Variants in KIF13A observed in about 807,000 individuals in gnomAD.
The protein encoded by KIF13A is kinesin family member 13A.
A neutral mutation model predicts 212.2 loss-of-function variants in KIF13A; 79 were observed. That is an observed-to-expected ratio of 0.37 (90% CI 0.31 to 0.45). KIF13A has a LOEUF of 0.45. KIF13A is among the 20% of genes least tolerant of loss of function. The pLI is 1.00. For missense variants in KIF13A, 1,901 were observed against 2,209.0 expected (o/e 0.86, Z 2.79); for synonymous variants, 789 against 808.6 (o/e 0.98, Z 0.41).
At chr6:17,941,308 T>C (rs1776940439) in intron 2 of KIF13A, among the ~76,000 whole-genome samples, 1 of 152,166 alleles carries the variant, frequency 6.6e-6, no homozygotes, top group African/African-American at 2.4e-5. Context: ...TCAAGGTTTT[T>C]CAAATCTCAA....
At position 17,837,661 on chromosome 6, in the gene KIF13A, T is replaced by G; in HGVS notation, c.831-78A>C. 9.9e-7 allele frequency: 1 copy of G among 1,011,178 alleles called. No individual in the cohort carries two copies. The highest frequency in any genetic ancestry group is 1.5e-6 in the Non-Finnish European group (1 of 665,612). The allele number at this position is 1,011,178 out of a possible 1,614,324, so 62.6% of individuals were successfully genotyped here. A position where few individuals can be genotyped will look rare whatever the true frequency, so the allele number is the denominator to read the frequency against. The stretch of plus-strand genomic sequence containing the variant: ...TATAAAATATGCAGAACAATAAAGC[T>G]CCACAGTTAATACACGTTGGTGGCT... On this transcript the variant is annotated intron_variant, in intron 9 of 38. Transcript: ENST00000259711. This position sits in a 1 kb window ranked among gnomAD's most constrained non-coding sequence, Gnocchi z 5.4.
intron 2 of KIF13A, among the ~76,000 whole-genome samples, chr6:17,905,634 G>A (rs942926285): frequency 6.6e-6 from 1 of 152,198 alleles, no homozygotes; most frequent in African/African-American, 2.4e-5. Flanking sequence ...GGGCAAAGAG[G>A]GAATTTTGTT....
intron 2 of KIF13A, among the ~76,000 whole-genome samples, chr6:17,905,490 C>T (rs1773416273): frequency 6.6e-6 from 1 of 152,212 alleles, no homozygotes; most frequent in South Asian, 2.1e-4. Flanking sequence ...TTCACATGCA[C>T]TGTCTGCCAC....
Position 17,804,436 on chromosome 6 carries a change from C to A in KIF13A, c.2379G>T (p.Ala793=). 6.3e-7 allele frequency: 1 copy of A among 1,575,948 alleles called. No homozygotes were observed. The highest frequency in any genetic ancestry group is 8.6e-7 in the Non-Finnish European group (1 of 1,159,874). The change falls in exon 20 of 39, where the codon GCG becomes GCT. Residue 793 remains alanine, a synonymous_variant. Coordinates refer to ENST00000259711, the MANE Select transcript of KIF13A (RefSeq NM_022113.6). The part of the protein sequence containing the change: ...AQENHNLIGV[A]NVFLECLFCD... ...AGAAGAGGCATTCCAAGAATACATTCGCCACCCCGATGAGGTTGTGATTTT... is the reference window on the plus strand; with the variant it reads ...AGAAGAGGCATTCCAAGAATACATTAGCCACCCCGATGAGGTTGTGATTTT...
In KIF13A at chr6:17,847,710, T is replaced by A. The variant is rs142511227; in HGVS notation, c.830+1667A>T. 3.8e-3 allele frequency among the ~76,000 whole-genome samples: 580 copies of A among 152,300 alleles called. 7 individuals carry two copies. Among genetic ancestry groups the A allele is most frequent in the African/African-American group, 0.013 (533 of 41,558 alleles). On this transcript the variant is annotated intron_variant, in intron 9 of 38. Coordinates refer to ENST00000259711, the MANE Select transcript of KIF13A (RefSeq NM_022113.6). ...TATCCTGATTATAAAAAACAACAGC[T>A]ATAACAGTTAATTTTTATTCACTGC...
At chr6:17,807,066 A>G (rs186793020) in intron 18 of KIF13A, among the ~76,000 whole-genome samples, 3 of 152,328 alleles carry the variant, frequency 2.0e-5, no homozygotes, top group Admixed American at 1.3e-4. Context: ...CTGAAGATGT[A>G]CGTCATCTCA....
chr6:17,938,861 T>A (rs76076056), intron 2 of KIF13A, among the ~76,000 whole-genome samples: 3,137 of 151,892 alleles, frequency 0.021, 36 homozygotes, highest in Non-Finnish European at 0.031. Flanking sequence ...AAAAGTTGTG[T>A]TGTTATATAA....
At chr6:17,815,718 T>C (rs6908800) in intron 17 of KIF13A, 61,449 of 303,938 alleles carry the variant, frequency 0.2, 6,895 homozygotes, top group Admixed American at 0.32. Context: ...TATATAATCA[T>C]ATCTATAATC....
downstream of KIF13A, chr6:17,760,578 A>C: frequency 2.6e-6 from 1 of 378,142 alleles, no homozygotes; most frequent in Non-Finnish European, 4.7e-6. Context: ...TAGTAAGTGC[A>C]AAAAAAAATA....
At chr6:17,817,902 A>C (rs1029984330) in intron 16 of KIF13A, among the ~76,000 whole-genome samples, 5 of 152,220 alleles carry the variant, frequency 3.3e-5, no homozygotes, top group African/African-American at 1.2e-4. Context: ...ACATGGGTGA[A>C]AAGGTATAGA....
chr6:17,845,826 T>C (rs1195907293), intron 9 of KIF13A, among the ~76,000 whole-genome samples: 1 of 152,180 alleles, frequency 6.6e-6, no homozygotes, highest in African/African-American at 2.4e-5. Context: ...AATTCTTTAA[T>C]GAAAGGAGTA....
chr6:17,835,438 C>T (rs934024832), intron 11 of KIF13A, among the ~76,000 whole-genome samples: 5 of 152,082 alleles, frequency 3.3e-5, no homozygotes, highest in Non-Finnish European at 1.5e-5. Flanking sequence ...CAAGGTTTAT[C>T]AGCATTTTTA....
chr6:17,827,102 T>G (rs2150366927), intron 14 of KIF13A, among the ~76,000 whole-genome samples: 1 of 152,052 alleles, frequency 6.6e-6, no homozygotes, highest in East Asian at 1.9e-4. Context: ...AAATAATTTT[T>G]TTTCTTTTTG....
chr6:17,772,383 C>T lies in KIF13A; in HGVS notation c.4325-324G>A, dbSNP rs546704055. ...ATAATGGTGCCACTGCACTCCAGCC[C>T]GGGCAAGAGAGAGAGAGGGAGACCC... On this transcript the variant is annotated intron_variant, in intron 36 of 38. Coordinates refer to ENST00000259711, the MANE Select transcript of KIF13A (RefSeq NM_022113.6). This position sits in a 1 kb window ranked among gnomAD's most constrained non-coding sequence, Gnocchi z 4.8. 4.0e-4 allele frequency among the ~76,000 whole-genome samples: 60 copies of T among 151,880 alleles called. No homozygotes were observed. Among genetic ancestry groups the T allele is most frequent in the Non-Finnish European group, 6.8e-4 (46 of 67,944 alleles).
In KIF13A at chr6:17,829,144, A is replaced by C. The variant is rs1581444435; in HGVS notation, c.1402-774T>G. On this transcript the variant is annotated intron_variant, in intron 13 of 38. Transcript: ENST00000259711. This position sits in a 1 kb window ranked among gnomAD's most constrained non-coding sequence, Gnocchi z 5.4. ...TATTTTTAGTACAGATGGGGGTTTC[A>C]CCATGTTCGCCAGCCTGGTCTTGAA... 6.6e-6 allele frequency among the ~76,000 whole-genome samples: 1 copy of C among 152,112 alleles called. No homozygotes were observed. The highest frequency in any genetic ancestry group is 1.9e-4 in the East Asian group (1 of 5,190).
chr6:17,959,780 T>C (rs1416115476), intron 2 of KIF13A, among the ~76,000 whole-genome samples: 2 of 152,186 alleles, frequency 1.3e-5, no homozygotes, highest in East Asian at 1.9e-4. Flanking sequence ...TCCCAGCACT[T>C]TGGGAGGCCG....
Position 17,777,194 on chromosome 6 carries a change from G to C in KIF13A, c.4170+83C>G. The C allele has an allele frequency of 9.4e-7, 1 of 1,062,168 alleles. No homozygotes were observed. Among genetic ancestry groups the C allele is most frequent in the South Asian group, 1.3e-5 (1 of 74,478 alleles). 65.8% of individuals were successfully genotyped at this position (1,062,168 alleles called of 1,614,324 possible). A position where few individuals can be genotyped will look rare whatever the true frequency, so the allele number is the denominator to read the frequency against. On this transcript the variant is annotated intron_variant, in intron 34 of 38. Coordinates refer to ENST00000259711, the MANE Select transcript of KIF13A (RefSeq NM_022113.6). This position sits in a 1 kb window ranked among gnomAD's most constrained non-coding sequence, Gnocchi z 4.4. ...CCACACCAGTTCCATAAGCTCTACTGCCACTGTGTGAATCCCACCTTCCCC... is the reference window on the plus strand; with the variant it reads ...CCACACCAGTTCCATAAGCTCTACTCCCACTGTGTGAATCCCACCTTCCCC...
intron 2 of KIF13A, among the ~76,000 whole-genome samples, chr6:17,980,769 A>G (rs1297557485): frequency 6.6e-6 from 1 of 152,236 alleles, no homozygotes; most frequent in East Asian, 1.9e-4. Flanking sequence ...CAATGTCAAC[A>G]ATGTTCGGTA....
rs190996954 is a variant in KIF13A, at chr6:17,964,776, G to A, written c.146+22278C>T. 3.3e-3 allele frequency among the ~76,000 whole-genome samples: 495 copies of A among 152,158 alleles called. 3 individuals are homozygous for A. Among genetic ancestry groups the A allele is most frequent in the African/African-American group, 0.011 (458 of 41,502 alleles). ...TCACAGTTGTTTTGATTTTATCCCA[G>A]ATAACCCAGGTCAATGTTTTTAGAA... On this transcript the variant is annotated intron_variant, in intron 2 of 38. Coordinates refer to ENST00000259711, the MANE Select transcript of KIF13A (RefSeq NM_022113.6).
Sources: gnomAD v4.1 joint callset for allele counts (sites outside exome capture counted in the v4.1 genomes callset) on GRCh38, gnomAD v4.1.1 for gene constraint, Gnocchi (gnomAD v3.1) non-coding constraint, MANE v1.5 for transcripts, NCBI Gene and HGNC (gene_info 2026-07-23, HGNC 2026-07-21) for gene names.